Variants in CMC1 observed in about 807,000 individuals in gnomAD.
The protein encoded by CMC1 is COX assembly mitochondrial protein homolog.
A neutral mutation model predicts 14.1 loss-of-function variants in CMC1; 14 were observed. The ratio of observed to expected loss-of-function variants is 0.99; its 90% CI spans 0.66 to 1.55. The LOEUF is 1.55. Among genes scored for constraint, CMC1 ranks in the 40% most tolerant of loss-of-function variants. CMC1 has a pLI of 0.00. For synonymous variants in CMC1, 50 were observed against 38.4 expected (o/e 1.30, Z -1.12); for missense variants, 127 against 123.8 (o/e 1.03, Z -0.12).
At chr3:28,312,864 A>T (rs984810593) in intron 2 of CMC1, among the ~76,000 whole-genome samples, 17 of 150,134 alleles carry the variant, frequency 1.1e-4, no homozygotes, top group Non-Finnish European at 2.4e-4. Context: ...TTTTTTTTAA[A>T]TTTTTTTTTT....
intron 2 of CMC1, among the ~76,000 whole-genome samples, chr3:28,310,703 G>A (rs1702593100): frequency 6.6e-6 from 1 of 152,228 alleles, no homozygotes; most frequent in Admixed American, 6.5e-5. Flanking sequence ...TTTTAAAGAT[G>A]TAGTGCAGTG....
At position 28,241,689 on chromosome 3, in the gene CMC1, C is replaced by T. The variant is rs554295690; in HGVS notation, c.-105C>T. 2.8e-5 allele frequency: 34 copies of T among 1,236,284 alleles called. No homozygotes were observed. In the East Asian group the frequency reaches 9.8e-4, roughly 36 times the overall value. 76.6% of individuals were successfully genotyped at this position (1,236,284 alleles called of 1,614,324 possible). A position where few individuals can be genotyped will look rare whatever the true frequency, so the allele number is the denominator to read the frequency against. On this transcript the variant is annotated 5_prime_UTR_variant, in exon 1 of 4. Coordinates refer to ENST00000466830, the MANE Select transcript of CMC1 (RefSeq NM_182523.2). ...GGGCCCGTGTTTCTGTTGCGGGAAG[C>T]TCCCGGGGGTCGCACGTGCGTCCGA... is the stretch of plus-strand genomic sequence containing the variant.
intron 1 of CMC1, among the ~76,000 whole-genome samples, chr3:28,262,513 TTTC>T (rs1256970308): frequency 1.3e-5 from 2 of 152,112 alleles, no homozygotes; most frequent in Admixed American, 1.3e-4. Context: ...CCAGGGAAGT[TTTC>T]TTGCTTTCCA....
At chr3:28,265,505 A>G (rs1699959873) in intron 2 of CMC1, among the ~76,000 whole-genome samples, 1 of 152,164 alleles carries the variant, frequency 6.6e-6, no homozygotes, top group African/African-American at 2.4e-5. Context: ...TAAAAGCATT[A>G]TATATGCCAA....
At position 28,301,024 on chromosome 3, in the gene CMC1, AT is replaced by A. The variant is rs1005503993; in HGVS notation, c.110-15301del. ...AGGGGTCATTCCCTATCAGTGTGCT[AT>A]TTTTTTTAGTGGCTACATAGTATTT... is the stretch of plus-strand genomic sequence containing the variant. On this transcript the variant is annotated intron_variant, in intron 2 of 3. Transcript: ENST00000466830. Among the ~76,000 whole-genome samples the A allele has an allele frequency of 1.3e-4, 19 of 146,514 alleles. No individual in the cohort carries two copies. In the East Asian group the frequency reaches 3.7e-3, roughly 28 times the overall value.
At chr3:28,272,054 G>T (rs563929401) in intron 2 of CMC1, among the ~76,000 whole-genome samples, 4 of 152,220 alleles carry the variant, frequency 2.6e-5, no homozygotes, top group Admixed American at 2.6e-4. Context: ...GAATGCTTGT[G>T]ATTTTTGCAC....
chr3:28,276,837 C>T (rs1700612542), intron 2 of CMC1, among the ~76,000 whole-genome samples: 1 of 152,224 alleles, frequency 6.6e-6, no homozygotes, highest in South Asian at 2.1e-4. Flanking sequence ...ATTAGACTCT[C>T]AGATTTAAAA....
intron 2 of CMC1, among the ~76,000 whole-genome samples, chr3:28,266,841 T>A (rs1170485991): frequency 6.6e-6 from 1 of 152,180 alleles, no homozygotes; most frequent in Non-Finnish European, 1.5e-5. Flanking sequence ...AGTGATATTG[T>A]TGGTGGTGAA....
chr3:28,284,961 C>T (rs983125981), intron 2 of CMC1, among the ~76,000 whole-genome samples: 2 of 152,164 alleles, frequency 1.3e-5, no homozygotes, highest in African/African-American at 2.4e-5. Flanking sequence ...AACCCTGTTG[C>T]ACACAAACTT....
rs553979269 is a variant in CMC1, at chr3:28,291,080, G to A, written c.110-25253G>A. Among the ~76,000 whole-genome samples, 5 of 152,198 alleles carry A rather than the reference G, an allele frequency of 3.3e-5. No individual in the cohort carries two copies. The South Asian group carries it at 8.3e-4, about 25-fold the overall frequency. On this transcript the variant is annotated intron_variant, in intron 2 of 3. Transcript: ENST00000466830. ...TTCCCACATGAGCCTTTTCCACATG[G>A]CAGTTTACTTCATCAAAACAGGCAA... is the stretch of plus-strand genomic sequence containing the variant.
intron 2 of CMC1, among the ~76,000 whole-genome samples, chr3:28,271,072 A>C (rs1468561749): frequency 6.6e-6 from 1 of 151,744 alleles, no homozygotes; most frequent in Non-Finnish European, 1.5e-5. Context: ...CTGGGATTAC[A>C]GGCATGTGCC....
intron 1 of CMC1, among the ~76,000 whole-genome samples, chr3:28,252,224 G>A (rs531203643): frequency 1.3e-5 from 2 of 152,262 alleles, no homozygotes; most frequent in South Asian, 2.1e-4. Flanking sequence ...GGTGCTATTG[G>A]GAAATGGGCA....
chr3:28,259,404 G>T (rs559838261), intron 1 of CMC1, among the ~76,000 whole-genome samples: 3 of 151,988 alleles, frequency 2.0e-5, no homozygotes, highest in South Asian at 2.1e-4. Flanking sequence ...TTTCATAGGG[G>T]TACATTAGGA....
At chr3:28,290,435 A>G (rs1245670279) in intron 2 of CMC1, among the ~76,000 whole-genome samples, 1 of 152,150 alleles carries the variant, frequency 6.6e-6, no homozygotes, top group Admixed American at 6.6e-5. Context: ...TACACATTGC[A>G]TCAGTATTTT....
chr3:28,275,958 C>T (rs1375072590), intron 2 of CMC1, among the ~76,000 whole-genome samples: 2 of 152,328 alleles, frequency 1.3e-5, no homozygotes, highest in African/African-American at 4.8e-5. Context: ...CACCCAGTCT[C>T]CCTGGCACCG....
At chr3:28,302,907 C>T (rs900642349) in intron 2 of CMC1, among the ~76,000 whole-genome samples, 4 of 152,094 alleles carry the variant, frequency 2.6e-5, no homozygotes, top group Non-Finnish European at 4.4e-5. Flanking sequence ...TTCTGCCAAG[C>T]GTAGGAGTTT....
chr3:28,303,204 T>C (rs544972138), intron 2 of CMC1, among the ~76,000 whole-genome samples: 1 of 152,198 alleles, frequency 6.6e-6, no homozygotes, highest in Non-Finnish European at 1.5e-5. Flanking sequence ...GCCATTTTCA[T>C]GTTTTTATTG....
intron 1 of CMC1, among the ~76,000 whole-genome samples, chr3:28,245,460 T>G (rs142172326): frequency 2.0e-3 from 305 of 152,328 alleles, no homozygotes; most frequent in Non-Finnish European, 3.8e-3. Flanking sequence ...TCTTTGACCT[T>G]TCCCCTTTTT....
At chr3:28,272,845 TG>T in intron 2 of CMC1, among the ~76,000 whole-genome samples, 1 of 152,098 alleles carries the variant, frequency 6.6e-6, no homozygotes, top group South Asian at 2.1e-4. Flanking sequence ...CCACCACGCC[TG>T]GCAAATTTTT....
Sources: allele counts gnomAD v4.1 joint callset (sites outside exome capture counted in the v4.1 genomes callset), GRCh38; gene constraint gnomAD v4.1.1; transcripts MANE v1.5; gene names NCBI Gene and HGNC (gene_info 2026-07-23, HGNC 2026-07-21).